APBB1: variants seen among roughly 807,000 people sequenced by gnomAD.
The protein encoded by APBB1 is adaptor protein FE65a2.
APBB1 carries 22 observed loss-of-function variants against 78.4 expected under a neutral mutation model. That is an observed-to-expected ratio of 0.28 (90% CI 0.20 to 0.40). The LOEUF is 0.40. Among genes scored for constraint, APBB1 ranks in the 10% least tolerant of loss-of-function variants. APBB1 has a pLI of 1.00. For missense variants in APBB1, 749 were observed against 932.4 expected, an observed-to-expected ratio of 0.80 and a Z score of 2.56; for synonymous variants, 369 against 372.7, an observed-to-expected ratio of 0.99 and a Z score of 0.12.
chr11:6,403,858 C>T lies in APBB1; in HGVS notation c.722-36G>A. On this transcript the variant is annotated intron_variant, in intron 2 of 14. Transcript: ENST00000609360. This position sits in a 1 kb window ranked among gnomAD's most constrained non-coding sequence, Gnocchi z 5.3. Reference sequence around the variant, plus strand: ...GGAGGCTTGGTGAGGGTCAGCCTACCCAAAGAGCAGACAGCTGGTGCCTAT... The same window carrying T: ...GGAGGCTTGGTGAGGGTCAGCCTACTCAAAGAGCAGACAGCTGGTGCCTAT... 6.6e-7 allele frequency: 1 copy of T among 1,520,898 alleles called. No homozygotes were observed. The highest frequency in any genetic ancestry group is 1.3e-5 in the South Asian group (1 of 76,344). The allele number at this position is 1,520,898 out of a possible 1,614,324, so 94.2% of individuals were successfully genotyped here. A position where few individuals can be genotyped will look rare whatever the true frequency, so the allele number is the denominator to read the frequency against.
rs779065276 is a variant in APBB1 at position 6,403,201 on chromosome 11, G to A, written c.1048C>T (p.Pro350Ser). The change falls in exon 6 of 15, where the codon CCG becomes TCG. Residue 350 changes from proline to serine, a missense_variant. Pro to Ser is a moderately conservative substitution (Grantham distance 74). Transcript: ENST00000609360. The surrounding 1 kb of genome is among the most constrained non-coding windows in gnomAD (Gnocchi z 5.3). ...TFPAQSLSPE[P>S]LPQEEEKLPP... ...AGCTTCTCCTCCTCTTGGGGCAACGGCTCTGGGCTGAAGGCAGATGGTAAT... is the reference window on the plus strand; with the variant it reads ...AGCTTCTCCTCCTCTTGGGGCAACGACTCTGGGCTGAAGGCAGATGGTAAT... 64 of 1,613,300 alleles carry A rather than the reference G, an allele frequency of 4.0e-5. 2 individuals carry two copies. The South Asian group carries it at 4.9e-4, about 12-fold the overall frequency.
At chr11:6,419,261 C>T, upstream of APBB1, 1 of 287,862 alleles carries the variant, frequency 3.5e-6, no homozygotes, top group Non-Finnish European at 6.4e-6. Context: ...GCGGTCCAGC[C>T]CTCCCAGCAG....
chr11:6,402,276 C>T (rs1249968350), intron 7 of APBB1, 67 bp from the exon 8 acceptor site: 9 of 1,587,084 alleles, frequency 5.7e-6, no homozygotes, highest in Admixed American at 1.7e-5. Context: ...CTGACCCCTG[C>T]AGCTCAGGGG....
chr11:6,409,433 G>A (rs534185400), intron 2 of APBB1, among the ~76,000 whole-genome samples: 3 of 152,268 alleles, frequency 2.0e-5, no homozygotes, highest in South Asian at 2.1e-4. Flanking sequence ...GCCTAGGAAC[G>A]GAAGAGAGCA....
chr11:6,396,027 G>A, intron 13 of APBB1, 65 bp from the exon 14 acceptor site: 1 of 1,601,218 alleles, frequency 6.2e-7, no homozygotes, highest in Non-Finnish European at 8.5e-7. Flanking sequence ...ATCCATCTTA[G>A]CAGCTCTTCC....
At chr11:6,414,088 G>GAGCCC (rs1849055577) in intron 1 of APBB1, among the ~76,000 whole-genome samples, 1 of 152,100 alleles carries the variant, frequency 6.6e-6, no homozygotes, top group African/African-American at 2.4e-5. Flanking sequence ...AGACACCCAA[G>GAGCCC]AGCCCTCTTA....
chr11:6,405,036 T>C (rs1355093902), intron 2 of APBB1: 3 of 1,417,596 alleles, frequency 2.1e-6, no homozygotes, highest in Non-Finnish European at 1.8e-6. Flanking sequence ...GAAAGGGAGG[T>C]TCATGAGACC....
At chr11:6,404,535 C>A in intron 2 of APBB1, 2 of 1,509,088 alleles carry the variant, frequency 1.3e-6, no homozygotes, top group Non-Finnish European at 1.8e-6. Context: ...TGTGCAGACA[C>A]CACAGACGCT....
chr11:6,403,238 G>A lies in APBB1; in HGVS notation c.1041-30C>T. On this transcript the variant is annotated intron_variant, in intron 5 of 14. Transcript: ENST00000609360. The surrounding 1 kb of genome is among the most constrained non-coding windows in gnomAD (Gnocchi z 5.3). ...AGGCAGATGGTAATACTTGGCACAGGGCTCCCATAAATGGAGCTGTCCCAA... is the reference window on the plus strand; with the variant it reads ...AGGCAGATGGTAATACTTGGCACAGAGCTCCCATAAATGGAGCTGTCCCAA... 5.0e-6 allele frequency: 8 copies of A among 1,611,432 alleles called. No homozygotes were observed. The highest frequency in any genetic ancestry group is 5.9e-6 in the Non-Finnish European group (7 of 1,178,688).
rs142613637 is a variant in APBB1, at chr11:6,401,413, C to T, written c.1520G>A (p.Arg507His). The change falls in exon 11 of 15, where the codon CGT becomes CAT. Residue 507 changes from arginine (R) to histidine (H), a missense_variant. Arg to His is a conservative substitution (Grantham distance 29). This residue lies in a region of APBB1 where 635 missense variants were observed against 765.0 expected (regional missense o/e 0.83). Coordinates refer to ENST00000609360, the MANE Select transcript of APBB1 (RefSeq NM_001164.5). This position sits in a 1 kb window ranked among gnomAD's most constrained non-coding sequence, Gnocchi z 4.5. ...EICSKIMAER[R>H]NARCLVNGLS... ...TCCATTTACCAAGCAGCGGGCATTA[C>T]GCCGTTCGGCCATGATCTGAGGAAG... 53 of 1,613,862 alleles carry T rather than the reference C, an allele frequency of 3.3e-5. No individual in the cohort carries two copies. Among genetic ancestry groups the T allele is most frequent in the Middle Eastern group, 1.6e-4 (1 of 6,084 alleles).
intron 1 of APBB1, among the ~76,000 whole-genome samples, chr11:6,413,053 C>CA (rs1156978303): frequency 2.0e-5 from 3 of 152,100 alleles, no homozygotes; most frequent in Non-Finnish European, 4.4e-5. Context: ...CCTGACCTTC[C>CA]AGTTGCTCTG....
intron 2 of APBB1, among the ~76,000 whole-genome samples, chr11:6,410,258 T>G (rs1180989939): frequency 1.3e-5 from 2 of 152,190 alleles, no homozygotes; most frequent in African/African-American, 4.8e-5. Context: ...ACTAAACCTC[T>G]CTGGATCTCT....
intron 2 of APBB1, among the ~76,000 whole-genome samples, chr11:6,409,267 G>A (rs889571437): frequency 6.6e-6 from 1 of 151,784 alleles, no homozygotes; most frequent in African/African-American, 2.4e-5. Context: ...TAGAGGAGAG[G>A]TTTTGCCATG....
At chr11:6,400,046 A>G (rs1848421456) in intron 12 of APBB1, among the ~76,000 whole-genome samples, 1 of 152,216 alleles carries the variant, frequency 6.6e-6, no homozygotes, top group South Asian at 2.1e-4. Flanking sequence ...CGAATAACTC[A>G]CACATTTATT....
In APBB1 at chr11:6,401,260, G is replaced by C. The variant is rs568457535; in HGVS notation, c.1588+85C>G. On this transcript the variant is annotated intron_variant, in intron 11 of 14. Coordinates refer to ENST00000609360, the MANE Select transcript of APBB1 (RefSeq NM_001164.5). This position sits in a 1 kb window ranked among gnomAD's most constrained non-coding sequence, Gnocchi z 4.5. ...TTCATGTGTTCATTTTTCTATCAGCGCTGTCCAGGAGCTCATGCCTTTCCT... is the reference window on the plus strand; with the variant it reads ...TTCATGTGTTCATTTTTCTATCAGCCCTGTCCAGGAGCTCATGCCTTTCCT... The C allele has an allele frequency of 6.2e-7, 1 of 1,612,082 alleles. No individual in the cohort carries two copies. The highest frequency in any genetic ancestry group is 8.5e-7 in the Non-Finnish European group (1 of 1,179,150).
chr11:6,400,861 G>A (rs1354789797), intron 12 of APBB1, 128 bp downstream of exon 12: 29 of 859,448 alleles, frequency 3.4e-5, no homozygotes, highest in Non-Finnish European at 5.2e-5. Context: ...GAGGTGGGAT[G>A]CATTTTAAAG....
intron 2 of APBB1, among the ~76,000 whole-genome samples, chr11:6,407,155 C>T (rs1343662494): frequency 1.3e-5 from 2 of 152,192 alleles, no homozygotes; most frequent in Admixed American, 6.5e-5. Flanking sequence ...TTCTCTGCAG[C>T]CCTCATGGTC....
chr11:6,404,518 C>A, intron 2 of APBB1: 1 of 1,462,402 alleles, frequency 6.8e-7, no homozygotes, highest in Admixed American at 2.0e-5. Flanking sequence ...TCAAACCCTG[C>A]CAAATGTGTG....
At chr11:6,405,729 G>A (rs895225596) in intron 2 of APBB1, 6 of 966,586 alleles carry the variant, frequency 6.2e-6, no homozygotes, top group East Asian at 1.1e-4. Flanking sequence ...AGCCATCACC[G>A]CCTCTCCTCA....
Sources: allele counts gnomAD v4.1 joint callset (sites outside exome capture counted in the v4.1 genomes callset), GRCh38; gene constraint gnomAD v4.1.1; regional missense constraint gnomAD v4.1.1; non-coding constraint Gnocchi (gnomAD v3.1); transcripts MANE v1.5; gene names NCBI Gene and HGNC (gene_info 2026-07-23, HGNC 2026-07-21).